The following ACOT12 variants were observed in gnomAD, a reference collection of about 807,000 sequenced individuals.
ACOT12 encodes acyl-CoA thioesterase 12, also known as acetyl-coenzyme A thioesterase.
A neutral mutation model predicts 67.7 loss-of-function variants in ACOT12; 51 were observed. The observed-to-expected ratio is 0.75, with a 90% CI of 0.60 to 0.95. ACOT12 has a LOEUF of 0.95. Among genes scored for constraint, ACOT12 ranks in the 40% least tolerant of loss-of-function variants. The probability of loss-of-function intolerance (pLI) is 0.00; values close to 1 mark genes in which losing one functional copy is unlikely to be tolerated. For missense variants in ACOT12, 734 were observed against 708.1 expected, an observed-to-expected ratio of 1.04 and a Z score of -0.41; for synonymous variants, 251 against 244.6, an observed-to-expected ratio of 1.03 and a Z score of -0.24.
At chr5:81,386,667 G>A (rs1760732070) in intron 1 of ACOT12, among the ~76,000 whole-genome samples, 1 of 152,082 alleles carries the variant, frequency 6.6e-6, no homozygotes, top group Admixed American at 6.5e-5. Flanking sequence ...TTTTAGTTTT[G>A]GAGACTTCAG....
At chr5:81,351,151 C>G (rs969778498) in intron 5 of ACOT12, among the ~76,000 whole-genome samples, 2 of 152,226 alleles carry the variant, frequency 1.3e-5, no homozygotes, top group Non-Finnish European at 1.5e-5. Flanking sequence ...AATGGAATCA[C>G]TTTCTAAAGT....
chr5:81,333,389 A>G (rs1038519209), intron 12 of ACOT12, among the ~76,000 whole-genome samples: 2 of 152,212 alleles, frequency 1.3e-5, no homozygotes, highest in Admixed American at 6.5e-5. Flanking sequence ...TACTCGCTAC[A>G]TAAGTTGCGT....
rs749449457 is a variant in ACOT12 at position 81,344,214 on chromosome 5, T to C, written c.926A>G (p.Asp309Gly). The C allele has an allele frequency of 6.2e-6, 10 of 1,612,564 alleles. No individual in the cohort carries two copies. In the East Asian group the frequency reaches 6.7e-5, roughly 11 times the overall value. ...TFPRIQPISK[D>G]DFRRYRGAIA... ...AGCTCCCCGATAGCGTCTGAAATCATCCTTTAATCAAAAACAAAGTAAAAT... is the reference window on the plus strand; with the variant it reads ...AGCTCCCCGATAGCGTCTGAAATCACCCTTTAATCAAAAACAAAGTAAAAT... The change falls in exon 9 of 15, where the codon GAT becomes GGT. Residue 309 changes from aspartate to glycine, a missense_variant and splice_region_variant. Coordinates refer to ENST00000307624, the MANE Select transcript of ACOT12 (RefSeq NM_130767.3).
chr5:81,359,998 T>C lies in ACOT12; in HGVS notation c.401A>G (p.His134Arg), dbSNP rs370312641. 4.3e-6 allele frequency: 7 copies of C among 1,612,030 alleles called. No homozygotes were observed. The highest frequency in any genetic ancestry group is 5.9e-6 in the Non-Finnish European group (7 of 1,178,958). Residue 134 changes from histidine to arginine, a missense_variant, in exon 5 of 15, where the codon CAT becomes CGT. By Grantham distance (29) the His-to-Arg change is conservative. Transcript: ENST00000307624. Reference sequence around the variant, plus strand: ...CTCAGCAGCCAGATTATGTTCCACATGATCTTGTTCAGTTAGAAGTGTGAC... The same window carrying C: ...CTCAGCAGCCAGATTATGTTCCACACGATCTTGTTCAGTTAGAAGTGTGAC... ...KPVTLLTEQDHVEHNLAAERR... is the reference protein window; with the variant it reads ...KPVTLLTEQDRVEHNLAAERR...
At chr5:81,378,669 G>A (rs575981800) in intron 2 of ACOT12, among the ~76,000 whole-genome samples, 10 of 152,180 alleles carry the variant, frequency 6.6e-5, no homozygotes, top group Admixed American at 2.6e-4. Context: ...AAAAGTGGGC[G>A]GAGGATATGA....
Position 81,344,968 on chromosome 5 carries a change from T to G in ACOT12, c.847A>C (p.Ser283Arg). 1.2e-6 allele frequency: 2 copies of G among 1,614,224 alleles called. No homozygotes were observed. Among genetic ancestry groups the G allele is most frequent in the Non-Finnish European group, 1.7e-6 (2 of 1,180,038 alleles). Residue 283 changes from serine to arginine, a missense_variant, in exon 8 of 15, where the codon AGT becomes CGT. By Grantham distance (110) the Ser-to-Arg change is moderately radical. Transcript: ENST00000307624. ...WAEGRGRHIN[S>R]AFLIYNAADD... ...GCAGCATTGTAAATGAGAAAAGCAC[T>G]GTTGATGTGACGCCCTCGGCCCTCG...
intron 5 of ACOT12, among the ~76,000 whole-genome samples, chr5:81,357,386 TACA>T (rs1485394804): frequency 6.6e-6 from 1 of 152,204 alleles, no homozygotes; most frequent in Non-Finnish European, 1.5e-5. Context: ...AGGCGTTTCA[TACA>T]GAACTGTTGG....
downstream of ACOT12, among the ~76,000 whole-genome samples, chr5:81,325,260 G>A (rs911313854): frequency 6.6e-6 from 1 of 152,136 alleles, no homozygotes; most frequent in Non-Finnish European, 1.5e-5. Flanking sequence ...CCTGAGTCAG[G>A]GTAAGAGACA....
intron 1 of ACOT12, among the ~76,000 whole-genome samples, chr5:81,391,447 G>GC (rs1250262470): frequency 6.6e-6 from 1 of 152,162 alleles, no homozygotes; most frequent in East Asian, 1.9e-4. Flanking sequence ...AGTGTTATAA[G>GC]CCTACTTTTG....
rs143599174 is a variant in ACOT12, at chr5:81,394,034, G to A, written c.81C>T (p.Ser27=). 2.1e-3 allele frequency: 3,084 copies of A among 1,469,224 alleles called. 16 individuals carry two copies. The highest frequency in any genetic ancestry group is 8.4e-3 in the Middle Eastern group (36 of 4,288). 91.0% of individuals were successfully genotyped at this position (1,469,224 alleles called of 1,614,324 possible). A position where few individuals can be genotyped will look rare whatever the true frequency, so the allele number is the denominator to read the frequency against. The change falls in exon 1 of 15, where the codon AGC becomes AGT. Residue 27 remains serine (S), a synonymous_variant. Coordinates refer to ENST00000307624, the MANE Select transcript of ACOT12 (RefSeq NM_130767.3). ...PAHATARGEL[S]AGQLLKWIDT... is the part of the protein sequence containing the mutation. ...CGATCCACTTGAGCAGCTGCCCCGC[G>A]CTCAGCTCGCCGCGCGCAGTGGCGT...
At chr5:81,336,174 A>G (rs1444233711) in intron 11 of ACOT12, among the ~76,000 whole-genome samples, 1 of 152,058 alleles carries the variant, frequency 6.6e-6, no homozygotes, top group Admixed American at 6.6e-5. Flanking sequence ...CTCATGAAAA[A>G]TGTAAAAACC....
chr5:81,376,599 A>G (rs1458449840), intron 2 of ACOT12, among the ~76,000 whole-genome samples: 1 of 152,144 alleles, frequency 6.6e-6, no homozygotes, highest in Non-Finnish European at 1.5e-5. Context: ...TATCCGGACT[A>G]ATAAAGAAGA....
chr5:81,355,708 T>G (rs1379910659), intron 5 of ACOT12, among the ~76,000 whole-genome samples: 2 of 152,170 alleles, frequency 1.3e-5, no homozygotes, highest in Non-Finnish European at 2.9e-5. Context: ...TAGGAGTAAG[T>G]CCGGTGGGAG....
intron 1 of ACOT12, among the ~76,000 whole-genome samples, chr5:81,388,811 TG>T (rs1272208299): frequency 6.6e-6 from 1 of 152,024 alleles, no homozygotes; most frequent in Non-Finnish European, 1.5e-5. Context: ...AATTGAATCA[TG>T]GGGGCAGGTC....
chr5:81,388,182 G>T (rs1176987405), intron 1 of ACOT12, among the ~76,000 whole-genome samples: 1 of 152,160 alleles, frequency 6.6e-6, no homozygotes, highest in East Asian at 1.9e-4. Flanking sequence ...TTTCAGGAAA[G>T]AGTAGGTTAG....
intron 1 of ACOT12, among the ~76,000 whole-genome samples, chr5:81,393,112 A>C (rs1176802128): frequency 6.6e-6 from 1 of 152,226 alleles, no homozygotes; most frequent in Non-Finnish European, 1.5e-5. Context: ...TCATTCTGTC[A>C]CAAGAACACA....
Position 81,330,838 on chromosome 5 carries a change from A to G in ACOT12, c.1494T>C (p.His498=). 6.2e-7 allele frequency: 1 copy of G among 1,614,060 alleles called. No individual in the cohort carries two copies. The highest frequency in any genetic ancestry group is 8.5e-7 in the Non-Finnish European group (1 of 1,179,976). ...CGATGCATGAATTGCTGTCAATAGC[A>G]TGGATGAGAAATCCGGCACATATGA... ...SEIICAGFLI[H]AIDSNSCIVS... is the part of the protein sequence containing the mutation. The change falls in exon 14 of 15, where the codon CAT becomes CAC. Residue 498 remains histidine (H), a synonymous_variant. Transcript: ENST00000307624.
At chr5:81,314,470 A>C in the ACOT12 span, among the ~76,000 whole-genome samples, 3 of 152,222 alleles carry the variant, frequency 2.0e-5, no homozygotes, top group Non-Finnish European at 1.5e-5. Flanking sequence ...AACTGCAGGT[A>C]CTGAATGTAA....
Position 81,349,129 on chromosome 5 carries a change from C to T in ACOT12, c.497-1199G>A, listed in dbSNP as rs768185690. On this transcript the variant is annotated intron_variant, in intron 5 of 14. Coordinates refer to ENST00000307624, the MANE Select transcript of ACOT12 (RefSeq NM_130767.3). ...TGCAGTGTGAGAGGGAAGATATGCC[C>T]AGCAACTGTTGCTGCTCTCGGCATA... 3.3e-5 allele frequency among the ~76,000 whole-genome samples: 5 copies of T among 152,182 alleles called. No homozygotes were observed. In the South Asian group the frequency reaches 6.2e-4, roughly 19 times the overall value.
Sources: gnomAD v4.1 joint callset for allele counts (sites outside exome capture counted in the v4.1 genomes callset) on GRCh38, gnomAD v4.1.1 for gene constraint, MANE v1.5 for transcripts, NCBI Gene and HGNC (gene_info 2026-07-23, HGNC 2026-07-21) for gene names.